The following BCORL1 variants were observed in gnomAD, a reference collection of about 807,000 sequenced individuals.
BCORL1 encodes the protein BCL-6 corepressor-like protein 1.
A neutral mutation model predicts 87.6 loss-of-function variants in BCORL1; 7 were observed. The observed-to-expected ratio is 0.08, with a 90% CI of 0.05 to 0.15. The LOEUF is 0.15. BCORL1 is among the 10% of genes least tolerant of loss of function. The pLI, the probability that BCORL1 is intolerant of heterozygous loss-of-function variation, is 1.00. For synonymous variants in BCORL1, 591 were observed against 634.4 expected (o/e 0.93, Z 1.03); for missense variants, 1,215 against 1,499.7 (o/e 0.81, Z 3.13).
At chrX:130,021,388 C>A in intron 5 of BCORL1, 2 of 511,081 alleles carry the variant, frequency 3.9e-6, no homozygotes, top group Non-Finnish European at 4.8e-6. Flanking sequence ...TTTTCCGACA[C>A]AAACACCAGG....
At chrX:130,017,286 C>A (rs1929505933) in intron 4 of BCORL1, among the ~76,000 whole-genome samples, 1 of 110,988 alleles carries the variant, frequency 9.0e-6, no homozygotes, top group South Asian at 3.9e-4. Context: ...TTTTAACTCA[C>A]AAACCTCACA....
Position 130,057,027 on chromosome X carries a change from GC to G in BCORL1, c.*897del, listed in dbSNP as rs1386285062. The G allele has an allele frequency of 1.8e-5, 2 of 109,077 alleles. No individual in the cohort carries two copies. The highest frequency in any genetic ancestry group is 3.4e-5 in the African/African-American group (1 of 29,836). The allele number at this position is 109,077 out of a possible 1,213,427, so 9.0% of individuals were successfully genotyped here. ...CCCCCCTCCTCACGCCTTCTTCACT[GC>G]CCCCCTCAGAGTGCACAATACGAGT... On this transcript the variant is annotated 3_prime_UTR_variant, in exon 14 of 14. Transcript: ENST00000540052.
rs757633097 is a variant in BCORL1 at position 130,013,409 on chromosome X, G to C, written c.637G>C (p.Val213Leu). 7.4e-6 allele frequency: 9 copies of C among 1,210,900 alleles called. No homozygotes were observed. Among genetic ancestry groups the C allele is most frequent in the Non-Finnish European group, 8.9e-6 (8 of 895,236 alleles). Residue 213 changes from valine to leucine, a missense_variant, in exon 4 of 14, where the codon GTG becomes CTG. This residue lies in a region of BCORL1 where 861 missense variants were observed against 1,010.0 expected (regional missense o/e 0.85). Transcript: ENST00000540052. ...ICPPAPGSAS[V>L]PHSVPDAFQV... ...TCCCCCTGCTCCCGGTTCGGCCTCTGTGCCCCACTCTGTTCCAGATGCATT... is the reference window on the plus strand; with the variant it reads ...TCCCCCTGCTCCCGGTTCGGCCTCTCTGCCCCACTCTGTTCCAGATGCATT...
intron 5 of BCORL1, chrX:130,021,430 C>T (rs941452462): frequency 7.3e-6 from 2 of 273,362 alleles, no homozygotes; most frequent in Non-Finnish European, 1.0e-5. Context: ...CATTTCCCCG[C>T]GATGGGTCTA....
intron 6 of BCORL1, among the ~76,000 whole-genome samples, chrX:130,024,562 C>T (rs762499200): frequency 7.6e-4 from 85 of 111,304 alleles, no homozygotes; most frequent in Non-Finnish European, 1.5e-3. Flanking sequence ...ATTGCCCTCT[C>T]CTAGCCCCTG....
At chrX:129,998,157 C>T (rs900280235) in intron 1 of BCORL1, among the ~76,000 whole-genome samples, 1 of 110,655 alleles carries the variant, frequency 9.0e-6, no homozygotes, top group Admixed American at 9.7e-5. Flanking sequence ...AGGCAGTGAC[C>T]AGGGTTGATT....
chrX:130,051,377 A>G (rs1341325490), intron 12 of BCORL1, among the ~76,000 whole-genome samples: 1 of 112,769 alleles, frequency 8.9e-6, no homozygotes, highest in Non-Finnish European at 1.9e-5. Flanking sequence ...TGGAGGGGAG[A>G]AAGTCAGGAT....
chrX:129,984,986 G>A (rs1926481752), intron 1 of BCORL1, among the ~76,000 whole-genome samples: 1 of 111,278 alleles, frequency 9.0e-6, no homozygotes, highest in Admixed American at 9.6e-5. Flanking sequence ...ACGTTAGTGT[G>A]GGAAGGGGGC....
In BCORL1 at chrX:130,014,851, C is replaced by T. The variant is rs144152824; in HGVS notation, c.2079C>T (p.Ile693=). ...TSSPFVIFPE[I]VRNGDPSTWV... is the part of the protein sequence containing the mutation. ...CGCCCTTTGTCATCTTTCCCGAGAT[C>T]GTGAGGAATGGGGACCCGAGCACCT... The change falls in exon 4 of 14, where the codon ATC becomes ATT. Residue 693 remains isoleucine, a synonymous_variant. Transcript: ENST00000540052. 2.7e-5 allele frequency: 33 copies of T among 1,209,480 alleles called. No individual in the cohort carries two copies. In the African/African-American group the frequency reaches 5.3e-4, roughly 19 times the overall value.
At chrX:130,029,107 A>G (rs986237512) in intron 8 of BCORL1, among the ~76,000 whole-genome samples, 2 of 112,102 alleles carry the variant, frequency 1.8e-5, no homozygotes, top group African/African-American at 6.5e-5. Flanking sequence ...AGGAAGAGTT[A>G]AAGAATATGG....
intron 2 of BCORL1, among the ~76,000 whole-genome samples, chrX:130,011,706 C>T (rs774818286): frequency 2.7e-5 from 3 of 110,940 alleles, no homozygotes; most frequent in Non-Finnish European, 5.7e-5. Flanking sequence ...TCCTTTGGGA[C>T]CCAGCTCTCT....
intron 7 of BCORL1, among the ~76,000 whole-genome samples, chrX:130,026,794 T>G (rs755940342): frequency 1.8e-5 from 2 of 113,308 alleles, no homozygotes; most frequent in East Asian, 5.5e-4. Flanking sequence ...CTCCAGTTGT[T>G]GGAAAGTAGG....
At chrX:130,050,212 G>C (rs766827660) in intron 11 of BCORL1, among the ~76,000 whole-genome samples, 4 of 109,958 alleles carry the variant, frequency 3.6e-5, no homozygotes, top group African/African-American at 1.3e-4. Context: ...TGGGAGGATC[G>C]CTTGAGCTCA....
chrX:129,995,298 G>A (rs556237770), intron 1 of BCORL1, among the ~76,000 whole-genome samples: 4 of 110,093 alleles, frequency 3.6e-5, no homozygotes, highest in South Asian at 3.8e-4. Context: ...GAGCCACCAC[G>A]TCTGGCCTCT....
chrX:130,026,908 G>T (rs1930279290), intron 7 of BCORL1, among the ~76,000 whole-genome samples: 1 of 113,588 alleles, frequency 8.8e-6, no homozygotes, highest in African/African-American at 3.2e-5. Flanking sequence ...GCATCTTCGT[G>T]CAGGAATTTG....
At chrX:130,008,543 G>A (rs1201876412) in intron 2 of BCORL1, among the ~76,000 whole-genome samples, 9 of 111,532 alleles carry the variant, frequency 8.1e-5, no homozygotes. Context: ...GATTACAGAT[G>A]TGAGCCACCA....
At chrX:130,003,291 C>T in intron 1 of BCORL1, among the ~76,000 whole-genome samples, 1 of 110,944 alleles carries the variant, frequency 9.0e-6, no homozygotes, top group Non-Finnish European at 1.9e-5. Flanking sequence ...GATAGTAGCC[C>T]TCCCCACCTA....
chrX:130,008,323 G>A (rs1928666281), intron 2 of BCORL1, among the ~76,000 whole-genome samples: 1 of 108,372 alleles, frequency 9.2e-6, no homozygotes, highest in Non-Finnish European at 1.9e-5. Context: ...GAGTGCAATG[G>A]TGAGATCTGA....
chrX:130,005,929 C>T (rs1928455166), intron 2 of BCORL1, among the ~76,000 whole-genome samples: 1 of 110,837 alleles, frequency 9.0e-6, no homozygotes, highest in Non-Finnish European at 1.9e-5. Flanking sequence ...CATGCCTGGC[C>T]AGCGATTGCA....
Sources: gnomAD v4.1 joint callset for allele counts (sites outside exome capture counted in the v4.1 genomes callset) on GRCh38, gnomAD v4.1.1 for gene constraint, gnomAD v4.1.1 regional missense constraint, MANE v1.5 for transcripts, NCBI Gene and HGNC (gene_info 2026-07-23, HGNC 2026-07-21) for gene names.